The following TCF7L1 variants were observed in gnomAD, a reference collection of about 807,000 sequenced individuals.
The protein encoded by TCF7L1 is transcription factor 7-like 1.
Under a neutral mutation model 63.7 loss-of-function variants are expected in TCF7L1, and 18 were observed. The observed-to-expected ratio is 0.28, with a 90% CI of 0.20 to 0.42. The LOEUF (loss-of-function observed/expected upper bound fraction) is 0.42. Ranked by LOEUF, TCF7L1 falls within the 10% of genes least tolerant of loss-of-function variation. The pLI is 1.00. For missense variants in TCF7L1, 654 were observed against 779.3 expected, an observed-to-expected ratio of 0.84 and a Z score of 1.91; for synonymous variants, 355 against 340.9, an observed-to-expected ratio of 1.04 and a Z score of -0.46.
At chr2:85,178,597 G>A (rs1447838202) in intron 3 of TCF7L1, among the ~76,000 whole-genome samples, 2 of 152,152 alleles carry the variant, frequency 1.3e-5, no homozygotes, top group African/African-American at 2.4e-5. Context: ...CTCTCTTCAG[G>A]CCAGAAATGC....
intron 11 of TCF7L1, 64 bp from the exon 12 acceptor site, chr2:85,308,965 G>C (rs1219411472): frequency 2.0e-5 from 30 of 1,510,718 alleles, no homozygotes; most frequent in South Asian, 5.2e-5. Flanking sequence ...CGCCAGGGCT[G>C]TTCCTCAGCC....
intron 3 of TCF7L1, among the ~76,000 whole-genome samples, chr2:85,177,338 G>A (rs1678699443): frequency 6.6e-6 from 1 of 152,056 alleles, no homozygotes; most frequent in Admixed American, 6.6e-5. Flanking sequence ...AGGGGTGTGG[G>A]GCACAAACAC....
At chr2:85,259,258 G>GCGCC (rs1166181050) in intron 3 of TCF7L1, among the ~76,000 whole-genome samples, 1 of 152,210 alleles carries the variant, frequency 6.6e-6, no homozygotes, top group Non-Finnish European at 1.5e-5. Flanking sequence ...CTGTCAGTAA[G>GCGCC]CGCCCCGCCA....
intron 3 of TCF7L1, among the ~76,000 whole-genome samples, chr2:85,147,924 A>T (rs1187283886): frequency 1.3e-5 from 2 of 152,160 alleles, no homozygotes; most frequent in Non-Finnish European, 2.9e-5. Flanking sequence ...TTGGACCATC[A>T]TAGGTTAGGG....
intron 4 of TCF7L1, among the ~76,000 whole-genome samples, chr2:85,292,750 G>A (rs1440912063): frequency 6.6e-6 from 1 of 152,094 alleles, no homozygotes; most frequent in African/African-American, 2.4e-5. Flanking sequence ...CTAATTTTTT[G>A]TATTTCTTAT....
At chr2:85,145,052 G>A (rs1231711401) in intron 3 of TCF7L1, among the ~76,000 whole-genome samples, 5 of 148,304 alleles carry the variant, frequency 3.4e-5, no homozygotes, top group South Asian at 2.1e-4. Flanking sequence ...GCAAAAAAGC[G>A]AGACTTTGTT....
In TCF7L1 at chr2:85,224,584, T is replaced by C. The variant is rs532685986; in HGVS notation, c.442-58911T>C. ...TCTGTTGGCTGCATAAATGTCTTCA[T>C]TTGAGAAGTATCTGTTCATATCCTT... On this transcript the variant is annotated intron_variant, in intron 3 of 11. Coordinates refer to ENST00000282111, the MANE Select transcript of TCF7L1 (RefSeq NM_031283.3). 3.3e-5 allele frequency among the ~76,000 whole-genome samples: 5 copies of C among 152,366 alleles called. No individual in the cohort carries two copies. In the South Asian group the frequency reaches 1.0e-3, roughly 32 times the overall value.
At chr2:85,301,509 G>A (rs1421341212) in intron 4 of TCF7L1, among the ~76,000 whole-genome samples, 2 of 152,244 alleles carry the variant, frequency 1.3e-5, no homozygotes, top group African/African-American at 2.4e-5. Flanking sequence ...TTTACCAATT[G>A]TAGAACGCAC....
At chr2:85,153,355 T>C (rs1678066776) in intron 3 of TCF7L1, among the ~76,000 whole-genome samples, 1 of 144,500 alleles carries the variant, frequency 6.9e-6, no homozygotes, top group Admixed American at 6.9e-5. Flanking sequence ...TTTTTTTTTT[T>C]TTTTGAGATG....
chr2:85,283,439 A>C (rs916390304), intron 3 of TCF7L1, 56 bp from the exon 4 acceptor site: 89 of 1,599,232 alleles, frequency 5.6e-5, no homozygotes, highest in Non-Finnish European at 7.4e-5. Context: ...GCAAACTTTG[A>C]GTACTTGTGA....
At chr2:85,169,167 A>C (rs572510081) in intron 3 of TCF7L1, among the ~76,000 whole-genome samples, 1 of 152,188 alleles carries the variant, frequency 6.6e-6, no homozygotes, top group African/African-American at 2.4e-5. Context: ...GGCTTTCCCC[A>C]TCTGACCTCA....
chr2:85,263,598 G>A (rs1680905068), intron 3 of TCF7L1, among the ~76,000 whole-genome samples: 1 of 152,196 alleles, frequency 6.6e-6, no homozygotes, highest in Non-Finnish European at 1.5e-5. Context: ...AATTGTTAAA[G>A]GTGTTCCCTT....
chr2:85,160,112 G>A (rs1176518421), intron 3 of TCF7L1, among the ~76,000 whole-genome samples: 3 of 152,144 alleles, frequency 2.0e-5, no homozygotes, highest in Non-Finnish European at 1.5e-5. Context: ...TACAGTTTAC[G>A]AGTTTTAACA....
rs563083989 is a variant in TCF7L1 at position 85,304,057 on chromosome 2, TGCCCTGCGC to T, written c.761+68_761+76del. On this transcript the variant is annotated intron_variant, in intron 6 of 11. Transcript: ENST00000282111. The stretch of plus-strand genomic sequence containing the variant: ...CTCCTTGCGCTGAGCTCTGCCTCTG[TGCCCTGCGC>T]GCCCTGCACAGTGGAGCCCCCTCAG... 106 of 1,397,962 alleles carry T rather than the reference TGCCCTGCGC, an allele frequency of 7.6e-5. No homozygotes were observed. The African/African-American group carries it at 1.2e-3, about 15-fold the overall frequency. The allele number at this position is 1,397,962 out of a possible 1,614,324, so 86.6% of individuals were successfully genotyped here. A position where few individuals can be genotyped will look rare whatever the true frequency, so the allele number is the denominator to read the frequency against.
chr2:85,144,715 C>CTGTG (rs1239419620), intron 3 of TCF7L1, among the ~76,000 whole-genome samples: 30 of 125,084 alleles, frequency 2.4e-4, no homozygotes, highest in African/African-American at 7.4e-4. Context: ...TTCTCTCTCT[C>CTGTG]TCTCTGTGTG....
intron 4 of TCF7L1, among the ~76,000 whole-genome samples, chr2:85,293,323 G>T (rs185220447): frequency 2.0e-5 from 3 of 152,254 alleles, no homozygotes. Flanking sequence ...TCTTGTGATG[G>T]CGAGCAAGTT....
chr2:85,182,510 C>A (rs1393027461), intron 3 of TCF7L1, among the ~76,000 whole-genome samples: 1 of 152,140 alleles, frequency 6.6e-6, no homozygotes, highest in Non-Finnish European at 1.5e-5. Flanking sequence ...TAGAGAGGTT[C>A]CCGGTCAGGC....
chr2:85,219,472 G>C (rs1679795413), intron 3 of TCF7L1, among the ~76,000 whole-genome samples: 1 of 152,078 alleles, frequency 6.6e-6, no homozygotes, highest in Admixed American at 6.6e-5. Flanking sequence ...AACATATGTG[G>C]CCATCTATGT....
chr2:85,181,794 C>T (rs991074805), intron 3 of TCF7L1, among the ~76,000 whole-genome samples: 8 of 152,146 alleles, frequency 5.3e-5, no homozygotes, highest in African/African-American at 1.7e-4. Context: ...GGTGTTGCCC[C>T]TCTTTGAGGC....
Sources: gnomAD v4.1 joint callset for allele counts (sites outside exome capture counted in the v4.1 genomes callset) on GRCh38, gnomAD v4.1.1 for gene constraint, MANE v1.5 for transcripts, NCBI Gene and HGNC (gene_info 2026-07-23, HGNC 2026-07-21) for gene names.